Variants in CSMD1 observed in about 807,000 individuals in gnomAD.
CSMD1 encodes CUB and sushi domain-containing protein 1.
CSMD1 carries 213 observed loss-of-function variants against 417.5 expected under a neutral mutation model. The observed-to-expected ratio is 0.51, with a 90% CI of 0.46 to 0.57. CSMD1 has a LOEUF of 0.57. Among genes scored for constraint, CSMD1 ranks in the 20% least tolerant of loss-of-function variants. The pLI is 0.00. For missense variants in CSMD1, 6,923 were observed against 4,529.7 expected, an observed-to-expected ratio of 1.53 and a Z score of -15.17; for synonymous variants, 2,862 against 1,736.8, an observed-to-expected ratio of 1.65 and a Z score of -16.11.
At chr8:4,480,271 G>T (rs1225471288) in intron 2 of CSMD1, among the ~76,000 whole-genome samples, 1 of 151,768 alleles carries the variant, frequency 6.6e-6, no homozygotes, top group Non-Finnish European at 1.5e-5. Context: ...GGGTAGCTCT[G>T]AGTTGACCCC....
chr8:3,304,647 A>G (rs531872814), intron 25 of CSMD1, among the ~76,000 whole-genome samples: 5 of 152,308 alleles, frequency 3.3e-5, no homozygotes, highest in African/African-American at 1.2e-4. Flanking sequence ...ATATTGAAAT[A>G]TACGTATACG....
At chr8:4,208,025 G>C (rs1416509405) in intron 3 of CSMD1, among the ~76,000 whole-genome samples, 1 of 152,068 alleles carries the variant, frequency 6.6e-6, no homozygotes, top group Non-Finnish European at 1.5e-5. Context: ...TCCAACAGTA[G>C]GAGAATATGT....
chr8:4,004,681 T>A (rs138695148), intron 4 of CSMD1, among the ~76,000 whole-genome samples: 63 of 152,266 alleles, frequency 4.1e-4, no homozygotes, highest in Middle Eastern at 3.4e-3. Context: ...TTAAAAAGAT[T>A]CAGCTGGTTA....
chr8:4,287,972 T>A (rs974194699), intron 3 of CSMD1, among the ~76,000 whole-genome samples: 1 of 152,146 alleles, frequency 6.6e-6, no homozygotes, highest in South Asian at 2.1e-4. Flanking sequence ...CAAGACAATA[T>A]GATAATAAAA....
chr8:3,182,841 G>GGGGGGTGTGTGTGTGTGT (rs768081848), intron 36 of CSMD1: 10 of 11,478 alleles, frequency 8.7e-4, no homozygotes, highest in African/African-American at 1.6e-3. Flanking sequence ...TTTATAAGAA[G>GGGGGGTGTGTGTGTGTGT]GTGTGTGTGT....
At position 3,651,805 on chromosome 8, in the gene CSMD1, T is replaced by C. The variant is rs547796441; in HGVS notation, c.1010-35008A>G. ...ATCAGAGCACCCACCACCATCGCAC[T>C]TACCACCATCAGAGCACCCACCACC... is the stretch of plus-strand genomic sequence containing the variant. On this transcript the variant is annotated intron_variant, in intron 7 of 69. Transcript: ENST00000635120. Among the ~76,000 whole-genome samples the C allele has an allele frequency of 1.9e-3, 279 of 147,974 alleles. 1 individual carries two copies. The highest frequency in any genetic ancestry group is 2.9e-3 in the South Asian group (13 of 4,540).
chr8:3,022,932 A>G lies in CSMD1; in HGVS notation c.7856-4282T>C, dbSNP rs1419363312. On this transcript the variant is annotated intron_variant, in intron 51 of 69. Coordinates refer to ENST00000635120, the MANE Select transcript of CSMD1 (RefSeq NM_033225.6). ...ATAGGAAGCCTGGCACAAAGTAAAA[A>G]TGTTCAAACATGAAATCAGCTGTCT... is the stretch of plus-strand genomic sequence containing the variant. Among the ~76,000 whole-genome samples, 4 of 152,194 alleles carry G rather than the reference A, an allele frequency of 2.6e-5. No homozygotes were observed. In the South Asian group the frequency reaches 8.3e-4, roughly 32 times the overall value.
At chr8:4,473,818 A>G (rs1800659521) in intron 2 of CSMD1, among the ~76,000 whole-genome samples, 1 of 152,226 alleles carries the variant, frequency 6.6e-6, no homozygotes, top group South Asian at 2.1e-4. Flanking sequence ...AAATAGAGAT[A>G]GAATTGTCAA....
At chr8:4,784,268 A>G (rs777040154) in intron 1 of CSMD1, among the ~76,000 whole-genome samples, 2 of 152,228 alleles carry the variant, frequency 1.3e-5, no homozygotes, top group Non-Finnish European at 2.9e-5. Context: ...AACAGGCTTT[A>G]CCTTCCTCTA....
chr8:4,188,494 C>T (rs1584986499), intron 3 of CSMD1, among the ~76,000 whole-genome samples: 2 of 152,166 alleles, frequency 1.3e-5, no homozygotes, highest in South Asian at 2.1e-4. Context: ...ATGGTTAAAC[C>T]TGGTCACAAA....
At chr8:3,892,630 T>C (rs1211722519) in intron 5 of CSMD1, among the ~76,000 whole-genome samples, 2 of 151,884 alleles carry the variant, frequency 1.3e-5, no homozygotes. Flanking sequence ...TGCACGTCAG[T>C]ACTGTTGCTT....
At chr8:3,372,979 T>C (rs560203747) in intron 18 of CSMD1, among the ~76,000 whole-genome samples, 8 of 152,258 alleles carry the variant, frequency 5.3e-5, no homozygotes, top group African/African-American at 9.6e-5. Flanking sequence ...TGGTCTATGA[T>C]TGGATTGGTA....
chr8:3,991,269 T>G (rs1814726222), intron 5 of CSMD1, among the ~76,000 whole-genome samples: 1 of 152,222 alleles, frequency 6.6e-6, no homozygotes, highest in East Asian at 1.9e-4. Context: ...TAGCTGGTAT[T>G]GAAAGAAGTT....
intron 5 of CSMD1, among the ~76,000 whole-genome samples, chr8:3,982,296 G>A (rs1444302038): frequency 6.6e-6 from 1 of 151,672 alleles, no homozygotes; most frequent in East Asian, 1.9e-4. Flanking sequence ...CCTGAGTTGT[G>A]TGATACAGCA....
chr8:3,989,996 C>T (rs1169151031), intron 5 of CSMD1, among the ~76,000 whole-genome samples: 1 of 152,108 alleles, frequency 6.6e-6, no homozygotes, highest in East Asian at 1.9e-4. Context: ...AATTGGAACA[C>T]GAGGATGTGC....
At chr8:4,089,530 T>C (rs1489464946) in intron 3 of CSMD1, among the ~76,000 whole-genome samples, 1 of 152,192 alleles carries the variant, frequency 6.6e-6, no homozygotes, top group Non-Finnish European at 1.5e-5. Context: ...TTATATAGCA[T>C]TCTGATTTAA....
chr8:4,199,654 C>G (rs1799538808), intron 3 of CSMD1, among the ~76,000 whole-genome samples: 1 of 152,144 alleles, frequency 6.6e-6, no homozygotes, highest in South Asian at 2.1e-4. Context: ...AACCCAAGCT[C>G]AGTGTATGAG....
At chr8:3,453,957 G>A (rs935050871) in intron 12 of CSMD1, among the ~76,000 whole-genome samples, 1 of 152,236 alleles carries the variant, frequency 6.6e-6, no homozygotes, top group South Asian at 2.1e-4. Flanking sequence ...AAGTCTCTTT[G>A]TAGGTCTCTA....
chr8:3,289,870 C>CT (rs1803422163), intron 25 of CSMD1, among the ~76,000 whole-genome samples: 1 of 147,514 alleles, frequency 6.8e-6, no homozygotes, highest in African/African-American at 2.7e-5. Flanking sequence ...GTTGCCATTG[C>CT]TTTTGGCATT....
Sources: allele counts gnomAD v4.1 joint callset (sites outside exome capture counted in the v4.1 genomes callset), GRCh38; gene constraint gnomAD v4.1.1; transcripts MANE v1.5; gene names NCBI Gene and HGNC (gene_info 2026-07-23, HGNC 2026-07-21).